Variants in PIAS1 observed in about 807,000 individuals in gnomAD.
The protein encoded by PIAS1 is protein inhibitor of activated STAT 1.
Under a neutral mutation model 71.3 loss-of-function variants are expected in PIAS1, and 6 were observed. The ratio of observed to expected loss-of-function variants is 0.08; its 90% CI spans 0.05 to 0.17. PIAS1 has a LOEUF of 0.17. PIAS1 is among the 10% of genes least tolerant of loss of function. PIAS1 has a pLI of 1.00. For synonymous variants in PIAS1, 303 were observed against 292.9 expected (o/e 1.03, Z -0.35); for missense variants, 555 against 793.6 (o/e 0.70, Z 3.61).
rs1169604443 is a variant in PIAS1, at chr15:68,151,192, T to G, written c.829-2398T>G. On this transcript the variant is annotated intron_variant, in intron 6 of 13. Transcript: ENST00000249636. ...TAAGCTTTGGTGGGGTTTTTTTTGC[T>G]GCTGAACCTCTTTCATATGATGTAA... Among the ~76,000 whole-genome samples, 3 of 152,222 alleles carry G rather than the reference T, an allele frequency of 2.0e-5. No individual in the cohort carries two copies. The East Asian group carries it at 5.8e-4, about 29-fold the overall frequency.
chr15:68,152,205 T>C (rs2092852662), intron 6 of PIAS1, among the ~76,000 whole-genome samples: 1 of 151,950 alleles, frequency 6.6e-6, no homozygotes, highest in Non-Finnish European at 1.5e-5. Context: ...CACCTCAGCC[T>C]CCCAAAGTGC....
At chr15:68,124,664 G>T (rs775054402) in intron 2 of PIAS1, among the ~76,000 whole-genome samples, 9 of 152,132 alleles carry the variant, frequency 5.9e-5, no homozygotes, top group Admixed American at 1.3e-4. Flanking sequence ...ATGTTGTTGT[G>T]AGCTGAGGTT....
chr15:68,119,298 C>G (rs983319194), intron 2 of PIAS1, among the ~76,000 whole-genome samples: 1 of 133,512 alleles, frequency 7.5e-6, no homozygotes, highest in Non-Finnish European at 1.6e-5. Context: ...CACACACATA[C>G]TCCAGACGTG....
intron 3 of PIAS1, 85 bp downstream of exon 3, chr15:68,142,115 GAGTT>G (rs2092774880): frequency 2.0e-6 from 2 of 1,002,978 alleles, no homozygotes; most frequent in South Asian, 1.4e-5. Flanking sequence ...AGTGATTGGT[GAGTT>G]AGTATTTGTG....
At chr15:68,170,948 CTT>C (rs1002050293) in intron 8 of PIAS1, among the ~76,000 whole-genome samples, 1 of 152,056 alleles carries the variant, frequency 6.6e-6, no homozygotes, top group Non-Finnish European at 1.5e-5. Flanking sequence ...GCCACTGTAA[CTT>C]TTTTATTTTA....
rs2091875026 is a variant in PIAS1 at position 68,054,633 on chromosome 15, G to C, written c.24+283G>C. 2.8e-6 allele frequency: 1 copy of C among 357,984 alleles called. No individual in the cohort carries two copies. The highest frequency in any genetic ancestry group is 5.0e-6 in the Non-Finnish European group (1 of 198,728). 22.2% of individuals were successfully genotyped at this position (357,984 alleles called of 1,614,324 possible). On this transcript the variant is annotated intron_variant, in intron 1 of 13. Coordinates refer to ENST00000249636, the MANE Select transcript of PIAS1 (RefSeq NM_016166.3). This position sits in a 1 kb window ranked among gnomAD's most constrained non-coding sequence, Gnocchi z 4.6. The stretch of plus-strand genomic sequence containing the variant: ...GGAAGAGATAGGGAGTCCGGAGGTA[G>C]GGGCTGCAGCTGTCTCATGGGCTCG...
chr15:68,085,042 AT>A (rs2092266812), intron 1 of PIAS1, among the ~76,000 whole-genome samples: 1 of 152,222 alleles, frequency 6.6e-6, no homozygotes, highest in East Asian at 1.9e-4. Flanking sequence ...TCAGTATTTT[AT>A]TTTTTGCTTA....
At chr15:68,111,881 C>G (rs2092525600) in intron 2 of PIAS1, among the ~76,000 whole-genome samples, 1 of 152,072 alleles carries the variant, frequency 6.6e-6, no homozygotes, top group East Asian at 1.9e-4. Context: ...ATTGGGGGTG[C>G]TTAATCCTAC....
intron 2 of PIAS1, among the ~76,000 whole-genome samples, chr15:68,136,774 A>G (rs577466516): frequency 2.6e-5 from 4 of 152,328 alleles, no homozygotes; most frequent in Admixed American, 2.6e-4. Context: ...AAAATCTTTT[A>G]TATCATCTAA....
chr15:68,176,428 T>C (rs772687779), intron 10 of PIAS1, 46 bp from the exon 11 acceptor site: 1 of 1,271,076 alleles, frequency 7.9e-7, no homozygotes, highest in African/African-American at 1.5e-5. Flanking sequence ...AAAAGAGAGA[T>C]GTCATAGCTC....
intron 6 of PIAS1, among the ~76,000 whole-genome samples, chr15:68,150,134 A>G (rs1023394243): frequency 6.6e-6 from 1 of 151,864 alleles, no homozygotes; most frequent in African/African-American, 2.4e-5. Context: ...TAAATATTTT[A>G]TTTCTAGTGT....
In PIAS1 at chr15:68,086,508, C is replaced by T. The variant is rs1437669800; in HGVS notation, c.227C>T (p.Ser76Phe). ...AAAATCATGACGCCTGCAGACTTGT[C>T]CATCCCCAACGTACATTCAAGTCCT... ...PQKIMTPADL[S>F]IPNVHSSPMP... The change falls in exon 2 of 14, where the codon TCC becomes TTC. Residue 76 changes from serine (S) to phenylalanine (F), a missense_variant. Ser to Phe is a radical substitution (Grantham distance 155, BLOSUM62 -2). Transcript: ENST00000249636. This position sits in a 1 kb window ranked among gnomAD's most constrained non-coding sequence, Gnocchi z 7.2. 1.2e-6 allele frequency: 2 copies of T among 1,613,786 alleles called. No homozygotes were observed. Among genetic ancestry groups the T allele is most frequent in the Non-Finnish European group, 1.7e-6 (2 of 1,179,730 alleles).
chr15:68,169,830 G>A (rs956078811), intron 8 of PIAS1, among the ~76,000 whole-genome samples: 5 of 152,236 alleles, frequency 3.3e-5, no homozygotes, highest in East Asian at 3.9e-4. Context: ...TGTAGTAAAC[G>A]TAATTGAATC....
At chr15:68,070,516 T>C (rs959523065) in intron 1 of PIAS1, among the ~76,000 whole-genome samples, 3 of 152,134 alleles carry the variant, frequency 2.0e-5, no homozygotes, top group African/African-American at 7.2e-5. Context: ...AGGCAGGTAC[T>C]AAAACTTTAC....
In PIAS1 at chr15:68,167,159, A is replaced by T. The variant is rs1436463642; in HGVS notation, c.1008+2355A>T. Among the ~76,000 whole-genome samples, 1 of 151,578 alleles carries T rather than the reference A, an allele frequency of 6.6e-6. No homozygotes were observed. The highest frequency in any genetic ancestry group is 1.9e-4 in the East Asian group (1 of 5,198). ...AAATTGACATCTGCTTTAAAAATTC[A>T]GATTATAAAACAAAACAACTATATA... is the stretch of plus-strand genomic sequence containing the variant. On this transcript the variant is annotated intron_variant, in intron 8 of 13. Transcript: ENST00000249636. The surrounding 1 kb of genome is among the most constrained non-coding windows in gnomAD (Gnocchi z 4.4).
chr15:68,169,804 T>A (rs2092979667), intron 8 of PIAS1, among the ~76,000 whole-genome samples: 1 of 152,210 alleles, frequency 6.6e-6, no homozygotes, highest in Non-Finnish European at 1.5e-5. Context: ...GAAAAGTTAC[T>A]ATGTGTCAGG....
chr15:68,178,141 G>A lies in PIAS1; in HGVS notation c.1481+1487G>A, dbSNP rs1161127401. Among the ~76,000 whole-genome samples, 2 of 152,308 alleles carry A rather than the reference G, an allele frequency of 1.3e-5. No individual in the cohort carries two copies. The highest frequency in any genetic ancestry group is 3.9e-4 in the East Asian group (2 of 5,178). On this transcript the variant is annotated intron_variant, in intron 11 of 13. Coordinates refer to ENST00000249636, the MANE Select transcript of PIAS1 (RefSeq NM_016166.3). This position sits in a 1 kb window ranked among gnomAD's most constrained non-coding sequence, Gnocchi z 4.2. ...AAAAATTAGCTGGGTATGGCACTGT[G>A]TGCCTGTTGTCCCAACTACTCGGAG...
chr15:68,129,617 A>C (rs2092675218), intron 2 of PIAS1, among the ~76,000 whole-genome samples: 1 of 152,170 alleles, frequency 6.6e-6, no homozygotes, highest in African/African-American at 2.4e-5. Context: ...AAAATTTAAG[A>C]AAAATAGAAG....
intron 2 of PIAS1, among the ~76,000 whole-genome samples, chr15:68,099,703 T>A (rs1370015272): frequency 6.6e-6 from 1 of 151,668 alleles, no homozygotes; most frequent in Non-Finnish European, 1.5e-5. Flanking sequence ...AAATACCAAG[T>A]TGTCTTCCTG....
Sources: allele counts gnomAD v4.1 joint callset (sites outside exome capture counted in the v4.1 genomes callset), GRCh38; gene constraint gnomAD v4.1.1; non-coding constraint Gnocchi (gnomAD v3.1); transcripts MANE v1.5; gene names NCBI Gene and HGNC (gene_info 2026-07-23, HGNC 2026-07-21).